Variants in DSPP observed in about 807,000 individuals in gnomAD.
DSPP encodes the protein dentin sialophosphoprotein, also known as deafness, autosomal dominant 39.
Under a neutral mutation model 29.1 loss-of-function variants are expected in DSPP, and 28 were observed. The ratio of observed to expected loss-of-function variants is 0.96; its 90% CI spans 0.71 to 1.32. DSPP has a LOEUF of 1.32. DSPP is among the 40% of genes most tolerant of loss of function. The probability of loss-of-function intolerance (pLI) is 0.00; values close to 1 mark genes in which losing one functional copy is unlikely to be tolerated. For missense variants in DSPP, 1,281 were observed against 1,629.9 expected (o/e 0.79, Z 3.69); for synonymous variants, 481 against 503.4 (o/e 0.96, Z 0.60).
chr4:87,615,513 A>G lies in DSPP; in HGVS notation c.2851A>G (p.Ser951Gly), dbSNP rs1385323505. 8 of 1,543,490 alleles carry G rather than the reference A, an allele frequency of 5.2e-6. No individual in the cohort carries two copies. The South Asian group carries it at 8.4e-5, about 16-fold the overall frequency. ...SSDSSDSSDSSNSSDSSNSSD... is the reference protein window; with the variant it reads ...SSDSSDSSDSGNSSDSSNSSD... ...TGACAGCAGTGATAGCAGTGACAGC[A>G]GTAATAGTAGTGACAGCAGCAATAG... is the stretch of plus-strand genomic sequence containing the variant. Residue 951 changes from serine (S) to glycine (G), a missense_variant, in exon 5 of 5, where the codon AGT (serine) becomes GGT (glycine). Physicochemically the swap from Ser to Gly is moderately conservative, Grantham distance 56 (BLOSUM62 0). This residue lies in a region of DSPP where 444 missense variants were observed against 611.4 expected (regional missense o/e 0.73). Coordinates refer to ENST00000651931, the MANE Select transcript of DSPP (RefSeq NM_014208.3).
Position 87,615,319 on chromosome 4 carries a change from A to ACAGCAG in DSPP, c.2658_2659insAGCAGC (p.Asn886_Glu887insSerSer), listed in dbSNP as rs1727857517. The ACAGCAG allele has an allele frequency of 7.5e-7, 1 of 1,333,032 alleles. No homozygotes were observed. Among genetic ancestry groups the ACAGCAG allele is most frequent in the Non-Finnish European group, 9.9e-7 (1 of 1,006,114 alleles). 82.6% of individuals were successfully genotyped at this position (1,333,032 alleles called of 1,614,324 possible). A position where few individuals can be genotyped will look rare whatever the true frequency, so the allele number is the denominator to read the frequency against. ...GACAGCAGTGATAGCAGTGACAGCA[A>ACAGCAG]CGAAAGCAGCAATAGCAGTGACAGC... On this transcript the variant is annotated inframe_insertion, in exon 5 of 5. Coordinates refer to ENST00000651931, the MANE Select transcript of DSPP (RefSeq NM_014208.3).
Position 87,614,473 on chromosome 4 carries a change from G to A in DSPP, c.1811G>A (p.Ser604Asn). ...AGTGATAGCAGCAATAGCAGTGACAGTAGTGACAGCAGTGATAGCAGTGAC... is the reference window on the plus strand; with the variant it reads ...AGTGATAGCAGCAATAGCAGTGACAATAGTGACAGCAGTGATAGCAGTGAC... ...DSSDSSNSSDSSDSSDSSDSS... is the reference protein window; with the variant it reads ...DSSDSSNSSDNSDSSDSSDSS... The change falls in exon 5 of 5, where the codon AGT becomes AAT. Residue 604 changes from serine to asparagine, a missense_variant. Transcript: ENST00000651931. 6.4e-7 allele frequency: 1 copy of A among 1,551,066 alleles called. No homozygotes were observed. Among genetic ancestry groups the A allele is most frequent in the Non-Finnish European group, 8.7e-7 (1 of 1,146,330 alleles).
At chr4:87,609,836 T>G (rs72868615) in intron 1 of DSPP, among the ~76,000 whole-genome samples, 1,758 of 152,260 alleles carry the variant, frequency 0.012, 43 homozygotes, top group African/African-American at 0.041. Context: ...TATAAATTAA[T>G]TTTTTTACTC....
At chr4:87,611,022 C>A in intron 2 of DSPP, 63 bp downstream of exon 2, 7 of 1,268,304 alleles carry the variant, frequency 5.5e-6, no homozygotes, top group Non-Finnish European at 6.8e-6. Context: ...AACATTAATA[C>A]AAAATGTAGT....
chr4:87,611,066 T>G (rs574861519), intron 2 of DSPP, 107 bp downstream of exon 2: 3 of 1,006,478 alleles, frequency 3.0e-6, no homozygotes, highest in Non-Finnish European at 4.7e-6. Context: ...TGTGTGTGCA[T>G]GTACATGTGT....
At position 87,615,601 on chromosome 4, in the gene DSPP, G is replaced by A. The variant is rs999500700; in HGVS notation, c.2939G>A (p.Ser980Asn). Residue 980 changes from serine to asparagine, a missense_variant, in exon 5 of 5, where the codon AGC becomes AAC. By Grantham distance (46) the Ser-to-Asn change is conservative. This residue lies in a region of DSPP where 444 missense variants were observed against 611.4 expected (regional missense o/e 0.73). Coordinates refer to ENST00000651931, the MANE Select transcript of DSPP (RefSeq NM_014208.3). ...AATAGCAGCGACAGCAGTGACAGCAGCAACAGCAGCGATAGCAGTGACAGC... is the reference window on the plus strand; with the variant it reads ...AATAGCAGCGACAGCAGTGACAGCAACAACAGCAGCGATAGCAGTGACAGC... ...DSNSSDSSDS[S>N]NSSDSSDSSD... The A allele has an allele frequency of 6.4e-7, 1 of 1,550,598 alleles. No homozygotes were observed. The highest frequency in any genetic ancestry group is 8.7e-7 in the Non-Finnish European group (1 of 1,146,776).
rs1270564167 is a variant in DSPP at position 87,614,951 on chromosome 4, C to CAGCAGTGACAGCAGTGAT, written c.2310_2327dup (p.Asp775_Ser780dup). The CAGCAGTGACAGCAGTGAT allele has an allele frequency of 2.0e-6, 3 of 1,535,886 alleles. No individual in the cohort carries two copies. Among genetic ancestry groups the CAGCAGTGACAGCAGTGAT allele is most frequent in the Non-Finnish European group, 1.7e-6 (2 of 1,146,074 alleles). On this transcript the variant is annotated inframe_insertion, in exon 5 of 5. Transcript: ENST00000651931. ...GTAGCGATAGCAGTGACAGCAGCAA[C>CAGCAGTGACAGCAGTGAT]AGCAGTGACAGCAGTGATAGCAGTG...
rs1193853031 is a variant in DSPP, at chr4:87,615,413, C to T, written c.2751C>T (p.Ser917=). The change falls in exon 5 of 5, where the codon AGC becomes AGT. Residue 917 remains serine (S), a synonymous_variant. Coordinates refer to ENST00000651931, the MANE Select transcript of DSPP (RefSeq NM_014208.3). ...GCAACAGCAGTGACAGCAGTGATAG[C>T]AGCAACAGCAGTGATAGCAGTGAAA... ...DSSNSSDSSD[S]SNSSDSSESS... is the part of the protein sequence containing the mutation. 1.3e-6 allele frequency: 2 copies of T among 1,535,288 alleles called. No individual in the cohort carries two copies. The highest frequency in any genetic ancestry group is 2.0e-5 in the Admixed American group (1 of 48,950).
chr4:87,616,411 G>A lies in DSPP; in HGVS notation c.3749G>A (p.Ser1250Asn), dbSNP rs1174587791. The A allele has an allele frequency of 6.5e-7, 1 of 1,549,192 alleles. No individual in the cohort carries two copies. Among genetic ancestry groups the A allele is most frequent in the Non-Finnish European group, 8.7e-7 (1 of 1,145,750 alleles). The part of the protein sequence containing the change: ...SSDSSDSSNS[S>N]DSSDSSDSSD... ...GATAGCAGTGACAGCAGCAACAGCA[G>A]TGACAGCAGCGACAGCAGTGATAGC... is the stretch of plus-strand genomic sequence containing the variant. Residue 1250 changes from serine (S) to asparagine (N), a missense_variant, in exon 5 of 5, where the codon AGT (serine) becomes AAT (asparagine). Around this residue, in one of 4 missense-constraint regions of DSPP, gnomAD observed 134 missense variants for 185.0 expected, o/e 0.72. Coordinates refer to ENST00000651931, the MANE Select transcript of DSPP (RefSeq NM_014208.3).
chr4:87,612,277 C>T (rs1295954371), intron 3 of DSPP, 45 bp from the exon 4 acceptor site: 2 of 1,612,836 alleles, frequency 1.2e-6, no homozygotes, highest in Non-Finnish European at 1.7e-6. Flanking sequence ...TGCTTTCCTT[C>T]AAGATCATTG....
At chr4:87,611,034 T>TGTGTGTGTGC in intron 2 of DSPP, 75 bp downstream of exon 2, 13 of 709,604 alleles carry the variant, frequency 1.8e-5, no homozygotes, top group Non-Finnish European at 2.4e-5. Flanking sequence ...AAATGTAGTG[T>TGTGTGTGTGC]GTGTGTGTGT....
Position 87,615,917 on chromosome 4 carries a change from T to TGAGAGC in DSPP, c.3257_3258insGAGCGA (p.Ser1085_Asp1086insGluSer). On this transcript the variant is annotated inframe_insertion, in exon 5 of 5. Transcript: ENST00000651931. ...ACAGCAGTGATAGCAGTGAAAGCAG[T>TGAGAGC]GATAGCAGTGACAGCAGCAATAGCA... 1 of 1,000,710 alleles carries TGAGAGC rather than the reference T, an allele frequency of 1.0e-6. No individual in the cohort carries two copies. The highest frequency in any genetic ancestry group is 1.4e-6 in the Non-Finnish European group (1 of 723,762). The allele number at this position is 1,000,710 out of a possible 1,614,324, so 62.0% of individuals were successfully genotyped here.
chr4:87,615,296 CAGCAGTGAT>C lies in DSPP; in HGVS notation c.2643_2651del (p.Ser883_Ser885del), dbSNP rs1727855459. On this transcript the variant is annotated inframe_deletion, in exon 5 of 5. Transcript: ENST00000651931. ...GCAGTGACAGCAGCAACAGCAGTGA[CAGCAGTGAT>C]AGCAGTGACAGCAACGAAAGCAGCA... 9 of 1,287,788 alleles carry C rather than the reference CAGCAGTGAT, an allele frequency of 7.0e-6. No homozygotes were observed. Among genetic ancestry groups the C allele is most frequent in the Non-Finnish European group, 7.2e-6 (7 of 967,368 alleles). 79.8% of individuals were successfully genotyped at this position (1,287,788 alleles called of 1,614,324 possible).
At chr4:87,611,518 C>T (rs1308330114) in intron 2 of DSPP, among the ~76,000 whole-genome samples, 1 of 152,110 alleles carries the variant, frequency 6.6e-6, no homozygotes, top group East Asian at 1.9e-4. Context: ...TGAGAAAATT[C>T]AACCATTTAT....
At chr4:87,611,984 C>T in intron 2 of DSPP, 121 bp from the exon 3 acceptor site, 1 of 1,129,640 alleles carries the variant, frequency 8.9e-7, no homozygotes, top group Non-Finnish European at 1.3e-6. Context: ...TGTGTTAAAC[C>T]TTTCTTCTTC....
chr4:87,614,516 C>A lies in DSPP; in HGVS notation c.1854C>A (p.Asp618Glu). 6.4e-7 allele frequency: 1 copy of A among 1,551,370 alleles called. No homozygotes were observed. Among genetic ancestry groups the A allele is most frequent in the Non-Finnish European group, 8.7e-7 (1 of 1,146,898 alleles). ...GCAGTGACAGTAGTGATAGTAGTGA[C>A]AGCAGTGACAGCAAGTCAGACAGCA... Reference protein sequence around the residue: ...SDSSDSSDSSDSSDSKSDSSK... With the variant: ...SDSSDSSDSSESSDSKSDSSK... The change falls in exon 5 of 5, where the codon GAC (aspartate) becomes GAA (glutamate). Residue 618 changes from aspartate to glutamate, a missense_variant. Asp to Glu is a conservative substitution (Grantham distance 45). This residue lies in a region of DSPP where 444 missense variants were observed against 611.4 expected (regional missense o/e 0.73). Transcript: ENST00000651931.
In DSPP at chr4:87,612,584, C is replaced by A. The variant is rs370086773; in HGVS notation, c.398C>A (p.Ala133Glu). ...CATGGGAAAGAAGAAAACATCACAG[C>A]AAATGGCATCCAGGGACAAGTAAGC... ...GIHGKEENITANGIQGQVSII... is the reference protein window; with the variant it reads ...GIHGKEENITENGIQGQVSII... Residue 133 changes from alanine to glutamate, a missense_variant, in exon 4 of 5, where the codon GCA becomes GAA. Ala to Glu is a moderately radical substitution (Grantham distance 107). Transcript: ENST00000651931. 135 of 1,613,908 alleles carry A rather than the reference C, an allele frequency of 8.4e-5. No individual in the cohort carries two copies. Among genetic ancestry groups the A allele is most frequent in the Non-Finnish European group, 9.5e-5 (112 of 1,179,984 alleles).
chr4:87,610,293 GAGGTGC>G (rs1727710032), intron 1 of DSPP, among the ~76,000 whole-genome samples: 1 of 152,204 alleles, frequency 6.6e-6, no homozygotes, highest in Non-Finnish European at 1.5e-5. Context: ...GGATAATCCT[GAGGTGC>G]AGGTGTTGTT....
chr4:87,616,760 T>C lies in DSPP; in HGVS notation c.*192T>C, dbSNP rs1417893237. The C allele has an allele frequency of 3.0e-5, 25 of 847,118 alleles. No homozygotes were observed. The highest frequency in any genetic ancestry group is 3.8e-5 in the Non-Finnish European group (21 of 550,864). 52.5% of individuals were successfully genotyped at this position (847,118 alleles called of 1,614,324 possible). A position where few individuals can be genotyped will look rare whatever the true frequency, so the allele number is the denominator to read the frequency against. On this transcript the variant is annotated 3_prime_UTR_variant, in exon 5 of 5. Transcript: ENST00000651931. ...AACTCCTGCAGAGACAGACTCTGAA[T>C]GCATGACCTTTGGTACATGCCTGTT... is the stretch of plus-strand genomic sequence containing the variant.
Sources: allele counts gnomAD v4.1 joint callset (sites outside exome capture counted in the v4.1 genomes callset), GRCh38; gene constraint gnomAD v4.1.1; regional missense constraint gnomAD v4.1.1; transcripts MANE v1.5; gene names NCBI Gene and HGNC (gene_info 2026-07-23, HGNC 2026-07-21).